Variants in HERC1 observed in about 807,000 individuals in gnomAD.
HERC1 encodes probable E3 ubiquitin-protein ligase HERC1.
A neutral mutation model predicts 554.3 loss-of-function variants in HERC1; 160 were observed. The observed-to-expected ratio is 0.29, with a 90% CI of 0.25 to 0.33. The LOEUF (loss-of-function observed/expected upper bound fraction) is 0.33, where lower values mean the gene tolerates loss of function less well. HERC1 is among the 10% of genes least tolerant of loss of function. HERC1 has a pLI of 1.00. For missense variants in HERC1, 4,919 were observed against 5,918.5 expected, an observed-to-expected ratio of 0.83 and a Z score of 5.54; for synonymous variants, 2,175 against 2,131.7, an observed-to-expected ratio of 1.02 and a Z score of -0.56.
intron 56 of HERC1, among the ~76,000 whole-genome samples, 192 bp downstream of exon 56, chr15:63,645,291 A>G (rs572905029): frequency 1.3e-5 from 2 of 152,294 alleles, no homozygotes; most frequent in East Asian, 3.9e-4. Flanking sequence ...AGATAAGGAG[A>G]TTACATACCA....
At position 63,716,418 on chromosome 15, in the gene HERC1, C is replaced by T; in HGVS notation, c.4034G>A (p.Arg1345Gln). 6.2e-7 allele frequency: 1 copy of T among 1,613,712 alleles called. No homozygotes were observed. Among genetic ancestry groups the T allele is most frequent in the Non-Finnish European group, 8.5e-7 (1 of 1,179,760 alleles). Residue 1345 changes from arginine to glutamine, a missense_variant, in exon 22 of 78, where the codon CGA (arginine) becomes CAA (glutamine). Physicochemically the swap from Arg to Gln is conservative, Grantham distance 43 (BLOSUM62 1). This residue lies in a region of HERC1 where 1,121 missense variants were observed against 1,244.0 expected (regional missense o/e 0.90). Transcript: ENST00000443617. The part of the protein sequence containing the change: ...DVDPQEHSFT[R>Q]TIDEEAEMEE... ...CATTTCAGCTTCTTCATCAATAGTTCGAGTAAATGAATGCTCCTGAGGATC... is the reference window on the plus strand; with the variant it reads ...CATTTCAGCTTCTTCATCAATAGTTTGAGTAAATGAATGCTCCTGAGGATC...
chr15:63,775,601 A>G lies in HERC1; in HGVS notation c.23T>C (p.Val8Ala). ...CAAGTGTTCAAGCCATTTCAGCTTC[A>G]CTGGTGGAATCATAGTTGCCATGTT... MATMIPP[V>A]KLKWLEHLNS... Residue 8 changes from valine to alanine, a missense_variant, in exon 2 of 78, where the codon GTG becomes GCG. Val to Ala is a moderately conservative substitution (Grantham distance 64). Coordinates refer to ENST00000443617, the MANE Select transcript of HERC1 (RefSeq NM_003922.4). This position sits in a 1 kb window ranked among gnomAD's most constrained non-coding sequence, Gnocchi z 4.0. 1 of 1,601,916 alleles carries G rather than the reference A, an allele frequency of 6.2e-7. No individual in the cohort carries two copies. Among genetic ancestry groups the G allele is most frequent in the East Asian group, 2.2e-5 (1 of 44,856 alleles).
intron 1 of HERC1, among the ~76,000 whole-genome samples, chr15:63,812,857 C>A (rs933433756): frequency 3.3e-5 from 5 of 152,006 alleles, no homozygotes; most frequent in South Asian, 2.1e-4. Context: ...ATGCCACATT[C>A]CTAGATTCGA....
rs2075157134 is a variant in HERC1 at position 63,749,151 on chromosome 15, G to A, written c.2219+216C>T. Among the ~76,000 whole-genome samples the A allele has an allele frequency of 6.6e-6, 1 of 151,902 alleles. No homozygotes were observed. Among genetic ancestry groups the A allele is most frequent in the Non-Finnish European group, 1.5e-5 (1 of 67,992 alleles). ...TTAAAAGACAATGTCTTAAATACTGGGTATGACTTCTTGCTTCGGAAACAT... is the reference window on the plus strand; with the variant it reads ...TTAAAAGACAATGTCTTAAATACTGAGTATGACTTCTTGCTTCGGAAACAT... On this transcript the variant is annotated intron_variant, in intron 10 of 77. Coordinates refer to ENST00000443617, the MANE Select transcript of HERC1 (RefSeq NM_003922.4). The surrounding 1 kb of genome is among the most constrained non-coding windows in gnomAD (Gnocchi z 4.1).
At chr15:63,776,987 A>AT (rs1330565549) in intron 1 of HERC1, among the ~76,000 whole-genome samples, 1 of 152,164 alleles carries the variant, frequency 6.6e-6, no homozygotes, top group Non-Finnish European at 1.5e-5. Context: ...ATTGACATAT[A>AT]TTTTTTATAT....
chr15:63,786,926 T>A (rs946977942), intron 1 of HERC1, among the ~76,000 whole-genome samples: 19 of 150,306 alleles, frequency 1.3e-4, no homozygotes, highest in Admixed American at 5.3e-4. Flanking sequence ...TATTATTTTT[T>A]TTTTTTTTAT....
intron 76 of HERC1, among the ~76,000 whole-genome samples, chr15:63,614,688 T>C (rs1255508087): frequency 2.0e-5 from 3 of 152,198 alleles, no homozygotes; most frequent in African/African-American, 7.2e-5. Context: ...ATTACTGAAA[T>C]GCTATTAATG....
intron 3 of HERC1, among the ~76,000 whole-genome samples, chr15:63,760,383 G>A (rs965979221): frequency 7.1e-6 from 1 of 141,168 alleles, no homozygotes; most frequent in East Asian, 2.0e-4. Flanking sequence ...TAAAGTTGCA[G>A]TGAGCCAAGA....
At chr15:63,622,767 T>G (rs1395318267) in intron 74 of HERC1, 48 bp downstream of exon 74, 5 of 1,362,570 alleles carry the variant, frequency 3.7e-6, no homozygotes, top group Non-Finnish European at 5.0e-6. Flanking sequence ...AAATGTGAGC[T>G]ATTATTATTA....
Position 63,658,712 on chromosome 15 carries a change from T to C in HERC1, c.9431A>G (p.His3144Arg), listed in dbSNP as rs1304376461. The C allele has an allele frequency of 3.7e-6, 6 of 1,608,614 alleles. No homozygotes were observed. Among genetic ancestry groups the C allele is most frequent in the South Asian group, 1.1e-5 (1 of 90,528 alleles). Residue 3144 changes from histidine to arginine, a missense_variant, in exon 48 of 78, where the codon CAT becomes CGT. By Grantham distance (29) the His-to-Arg change is conservative (BLOSUM62 0). Transcript: ENST00000443617. ...AGAGGAGCTCTTTTCTACGGAGCCA[T>C]GGCAACCTGAAAAACATAATTCTGT... ...MEETLMQIGC[H>R]GSVEKSSSGR...
intron 1 of HERC1, among the ~76,000 whole-genome samples, chr15:63,794,572 C>T (rs2076755291): frequency 6.6e-6 from 1 of 152,108 alleles, no homozygotes; most frequent in South Asian, 2.1e-4. Flanking sequence ...AATTCATTAG[C>T]ACACAAAAAG....
At chr15:63,695,633 C>A (rs756817295) in intron 27 of HERC1, among the ~76,000 whole-genome samples, 1 of 152,172 alleles carries the variant, frequency 6.6e-6, no homozygotes, top group Non-Finnish European at 1.5e-5. Context: ...GGTGATCCGA[C>A]CACCTCAGCC....
intron 77 of HERC1, 37 bp from the exon 78 acceptor site, chr15:63,609,303 C>T (rs754271901): frequency 6.4e-7 from 1 of 1,562,412 alleles, no homozygotes; most frequent in Non-Finnish European, 8.7e-7. Flanking sequence ...CTGGGGACAT[C>T]AGAGTGCCAT....
At chr15:63,611,128 G>A (rs74018146) in intron 77 of HERC1, among the ~76,000 whole-genome samples, 1,797 of 152,274 alleles carry the variant, frequency 0.012, 32 homozygotes, top group African/African-American at 0.042. Flanking sequence ...AGAGGGAACA[G>A]GTTACATAAA....
chr15:63,632,639 T>G, intron 68 of HERC1, 70 bp downstream of exon 68: 1 of 1,002,602 alleles, frequency 1.0e-6, no homozygotes, highest in Non-Finnish European at 1.5e-6. Flanking sequence ...TTAGAGCACA[T>G]TCTGTAACAC....
intron 77 of HERC1, among the ~76,000 whole-genome samples, chr15:63,611,353 A>G (rs771546865): frequency 6.6e-6 from 1 of 152,232 alleles, no homozygotes; most frequent in Non-Finnish European, 1.5e-5. Flanking sequence ...ACATGGTCAG[A>G]CAGGTGCTTA....
chr15:63,634,102 C>T lies in HERC1; in HGVS notation c.12571-132G>A, dbSNP rs560413423. ...CCAAATATCTACAATGGTTTCAGAG[C>T]ATACTACAAATGTTAACCAAAGTAA... On this transcript the variant is annotated intron_variant, in intron 66 of 77. Transcript: ENST00000443617. 8.5e-6 allele frequency: 8 copies of T among 941,010 alleles called. No individual in the cohort carries two copies. The East Asian group carries it at 1.6e-4, about 18-fold the overall frequency. The allele number at this position is 941,010 out of a possible 1,614,324, so 58.3% of individuals were successfully genotyped here.
intron 55 of HERC1, among the ~76,000 whole-genome samples, chr15:63,646,720 A>G (rs1415689981): frequency 1.3e-5 from 2 of 151,862 alleles, no homozygotes; most frequent in Non-Finnish European, 2.9e-5. Flanking sequence ...AGGCAGGAAA[A>G]TTGCTTGAAC....
At position 63,716,473 on chromosome 15, in the gene HERC1, T is replaced by A. The variant is rs2073560761; in HGVS notation, c.3979A>T (p.Ile1327Leu). 5.7e-6 allele frequency: 9 copies of A among 1,586,494 alleles called. 1 individual carries two copies. Among genetic ancestry groups the A allele is most frequent in the Middle Eastern group, 1.7e-4 (1 of 5,960 alleles). ...QTRSSSRDRWISENQDSADVD... is the reference protein window; with the variant it reads ...QTRSSSRDRWLSENQDSADVD... ...TCTGCAGAGTCCTGGTTTTCTGATA[T>A]CTTAAAGAAATTATCAGAAACTACA... The change falls in exon 22 of 78, where the codon ATA becomes TTA. Residue 1327 changes from isoleucine to leucine, a missense_variant and splice_region_variant. Around this residue, in one of 11 missense-constraint regions of HERC1, gnomAD observed 1,121 missense variants for 1,244.0 expected, o/e 0.90. Coordinates refer to ENST00000443617, the MANE Select transcript of HERC1 (RefSeq NM_003922.4).
Sources: allele counts gnomAD v4.1 joint callset (sites outside exome capture counted in the v4.1 genomes callset), GRCh38; gene constraint gnomAD v4.1.1; regional missense constraint gnomAD v4.1.1; non-coding constraint Gnocchi (gnomAD v3.1); transcripts MANE v1.5; gene names NCBI Gene and HGNC (gene_info 2026-07-23, HGNC 2026-07-21).